Variants in SCML2 observed in about 807,000 individuals in gnomAD.
The protein encoded by SCML2 is sex comb on midleg-like protein 2.
In SCML2, 6 loss-of-function variants were observed where a neutral mutation model predicts 48.4. That is an observed-to-expected ratio of 0.12 (90% CI 0.07 to 0.24). The LOEUF (loss-of-function observed/expected upper bound fraction) is 0.24, where lower values mean the gene tolerates loss of function less well. Among genes scored for constraint, SCML2 ranks in the 10% least tolerant of loss-of-function variants. The pLI is 1.00. For missense variants in SCML2, 377 were observed against 528.2 expected (o/e 0.71, Z 2.81); for synonymous variants, 181 against 189.5 (o/e 0.95, Z 0.37).
In SCML2 at chrX:18,241,012, C is replaced by CCTGTTAAAT; in HGVS notation, c.*230_*238dup. ...GCCAATTTGAATATGCCAATACTAA[C>CCTGTTAAAT]CTGTTAAATGCTTTTTAAAGAAGTA... On this transcript the variant is annotated 3_prime_UTR_variant, in exon 15 of 15. Coordinates refer to ENST00000251900, the MANE Select transcript of SCML2 (RefSeq NM_006089.3). The CCTGTTAAAT allele has an allele frequency of 5.2e-6, 1 of 192,924 alleles. No homozygotes were observed. The highest frequency in any genetic ancestry group is 9.7e-6 in the Non-Finnish European group (1 of 103,607). 15.9% of individuals were successfully genotyped at this position (192,924 alleles called of 1,213,427 possible). A position where few individuals can be genotyped will look rare whatever the true frequency, so the allele number is the denominator to read the frequency against.
At chrX:18,249,886 T>C (rs1438561398) in intron 11 of SCML2, among the ~76,000 whole-genome samples, 1 of 110,899 alleles carries the variant, frequency 9.0e-6, no homozygotes, top group Non-Finnish European at 1.9e-5. Flanking sequence ...GGAGATACAC[T>C]GGTTCCAGGC....
intron 6 of SCML2, among the ~76,000 whole-genome samples, chrX:18,316,368 G>T (rs1335080662): frequency 8.9e-6 from 1 of 111,887 alleles, no homozygotes; most frequent in Non-Finnish European, 1.9e-5. Context: ...CAGCCTGGGA[G>T]ACAGAGTGAG....
intron 6 of SCML2, among the ~76,000 whole-genome samples, chrX:18,318,624 A>T (rs1929207492): frequency 8.9e-6 from 1 of 112,180 alleles, no homozygotes; most frequent in African/African-American, 3.2e-5. Context: ...AATCTCTCCA[A>T]CTAACTTTCG....
intron 1 of SCML2, among the ~76,000 whole-genome samples, chrX:18,340,727 T>C (rs1042849466): frequency 1.9e-5 from 2 of 107,796 alleles, no homozygotes; most frequent in Non-Finnish European, 3.8e-5. Context: ...GGAGAATTGC[T>C]TGAACCCAGG....
At chrX:18,288,248 T>C (rs558050648) in intron 7 of SCML2, among the ~76,000 whole-genome samples, 3 of 111,473 alleles carry the variant, frequency 2.7e-5, no homozygotes, top group Middle Eastern at 4.8e-3. Context: ...GATGTATTAA[T>C]ATATTTAATT....
intron 1 of SCML2, among the ~76,000 whole-genome samples, chrX:18,347,661 C>T (rs1393904548): frequency 1.2e-5 from 1 of 85,653 alleles, no homozygotes; most frequent in African/African-American, 4.5e-5. Context: ...GAGGCAGAGG[C>T]TGCAGTGAAC....
At chrX:18,270,312 C>T (rs1473028521) in intron 7 of SCML2, among the ~76,000 whole-genome samples, 1 of 111,511 alleles carries the variant, frequency 9.0e-6, no homozygotes, top group Admixed American at 9.6e-5. Flanking sequence ...CAGGCATAAG[C>T]CACCGCGCCC....
intron 1 of SCML2, among the ~76,000 whole-genome samples, chrX:18,343,760 C>CAAAA (rs1196514399): frequency 7.8e-5 from 3 of 38,473 alleles, no homozygotes; most frequent in Admixed American, 3.8e-4. Context: ...GACTCTGTCT[C>CAAAA]AAAAAAAAAA....
chrX:18,334,270 T>A (rs755422306), intron 1 of SCML2, among the ~76,000 whole-genome samples, 175 bp from the exon 2 acceptor site: 1 of 112,096 alleles, frequency 8.9e-6, no homozygotes, highest in South Asian at 3.8e-4. Context: ...GAGTGACTGC[T>A]AAGGGGCATG....
intron 1 of SCML2, among the ~76,000 whole-genome samples, chrX:18,350,687 A>G (rs887807017): frequency 1.8e-4 from 20 of 110,100 alleles, no homozygotes; most frequent in African/African-American, 6.6e-4. Flanking sequence ...AGAGGTTGCA[A>G]TGAGCCGAGA....
At chrX:18,251,443 A>C (rs928838701) in intron 11 of SCML2, among the ~76,000 whole-genome samples, 1 of 111,062 alleles carries the variant, frequency 9.0e-6, no homozygotes, top group Non-Finnish European at 1.9e-5. Flanking sequence ...TTATGACTCA[A>C]CAATAAAAAG....
chrX:18,327,801 G>A (rs767739739), intron 3 of SCML2, among the ~76,000 whole-genome samples: 1 of 111,505 alleles, frequency 9.0e-6, no homozygotes, highest in African/African-American at 3.3e-5. Flanking sequence ...TGATAAAACT[G>A]TTCATCTTGG....
chrX:18,333,042 G>A (rs183661625), intron 2 of SCML2, among the ~76,000 whole-genome samples: 110 of 110,623 alleles, frequency 9.9e-4, no homozygotes, highest in Non-Finnish European at 1.7e-3. Flanking sequence ...TTGAGAGGCC[G>A]AGGCGGGAAG....
intron 7 of SCML2, among the ~76,000 whole-genome samples, chrX:18,267,928 C>A (rs947629315): frequency 9.0e-6 from 1 of 111,329 alleles, no homozygotes; most frequent in Admixed American, 9.5e-5. Context: ...TATTTTTCTA[C>A]AACCAATTAA....
chrX:18,277,205 G>C (rs1467233600), intron 7 of SCML2, among the ~76,000 whole-genome samples: 1 of 110,852 alleles, frequency 9.0e-6, no homozygotes, highest in East Asian at 2.8e-4. Context: ...CAAGTAGCTG[G>C]GACTACAGGC....
chrX:18,280,604 G>A (rs1035804270), intron 7 of SCML2, among the ~76,000 whole-genome samples: 2 of 111,656 alleles, frequency 1.8e-5, no homozygotes, highest in African/African-American at 3.3e-5. Context: ...ACCATCTGTT[G>A]TCCTCAAGAC....
At chrX:18,346,044 C>T (rs1930189623) in intron 1 of SCML2, among the ~76,000 whole-genome samples, 1 of 110,920 alleles carries the variant, frequency 9.0e-6, no homozygotes, top group South Asian at 3.8e-4. Context: ...GGATTACAGG[C>T]TCACGTAAGC....
At chrX:18,263,784 T>G (rs896600057) in intron 8 of SCML2, among the ~76,000 whole-genome samples, 1 of 111,138 alleles carries the variant, frequency 9.0e-6, no homozygotes, top group African/African-American at 3.3e-5. Flanking sequence ...AAGAGTATTT[T>G]TGATAGATAC....
intron 1 of SCML2, among the ~76,000 whole-genome samples, chrX:18,336,958 T>C (rs1460165203): frequency 9.1e-6 from 1 of 109,986 alleles, no homozygotes; most frequent in African/African-American, 3.3e-5. Flanking sequence ...AAAATAAGAA[T>C]AAAAAACAAG....
Sources: gnomAD v4.1 joint callset for allele counts (sites outside exome capture counted in the v4.1 genomes callset) on GRCh38, gnomAD v4.1.1 for gene constraint, MANE v1.5 for transcripts, NCBI Gene and HGNC (gene_info 2026-07-23, HGNC 2026-07-21) for gene names.